Variants in MLLT10 observed in about 807,000 individuals in gnomAD.
MLLT10 encodes protein AF-10.
Under a neutral mutation model 129.1 loss-of-function variants are expected in MLLT10, and 30 were observed. The observed-to-expected ratio is 0.23, with a 90% CI of 0.17 to 0.32. The LOEUF (loss-of-function observed/expected upper bound fraction) is 0.32, where lower values mean the gene tolerates loss of function less well. Ranked by LOEUF, MLLT10 falls within the 10% of genes least tolerant of loss-of-function variation. The probability of loss-of-function intolerance (pLI) is 1.00; values close to 1 mark genes in which losing one functional copy is unlikely to be tolerated. For synonymous variants in MLLT10, 490 were observed against 446.4 expected (o/e 1.10, Z -1.23); for missense variants, 1,119 against 1,268.3 (o/e 0.88, Z 1.79).
chr10:21,558,115 A>G (rs1436815770), intron 3 of MLLT10, among the ~76,000 whole-genome samples: 1 of 151,428 alleles, frequency 6.6e-6, no homozygotes, highest in Non-Finnish European at 1.5e-5. Flanking sequence ...ACGTCCAGCT[A>G]ATTTTTTGTA....
At chr10:21,681,659 TA>T (rs1365123573) in intron 12 of MLLT10, among the ~76,000 whole-genome samples, 3 of 151,974 alleles carry the variant, frequency 2.0e-5, no homozygotes, top group Non-Finnish European at 2.9e-5. Context: ...ATAATGTGTT[TA>T]TTTTTTTAAC....
At chr10:21,626,368 G>T (rs1047844444) in intron 8 of MLLT10, 1 of 653,454 alleles carries the variant, frequency 1.5e-6, no homozygotes, top group Non-Finnish European at 2.7e-6. Context: ...TCGCACGCGT[G>T]CCACCCCCCA....
intron 5 of MLLT10, among the ~76,000 whole-genome samples, chr10:21,598,190 T>C (rs1197936324): frequency 6.6e-6 from 1 of 152,210 alleles, no homozygotes; most frequent in East Asian, 1.9e-4. Context: ...TTATTTGTAT[T>C]AGTATGGACT....
At chr10:21,688,810 C>T (rs2053546217) in intron 13 of MLLT10, among the ~76,000 whole-genome samples, 1 of 152,082 alleles carries the variant, frequency 6.6e-6, no homozygotes, top group African/African-American at 2.4e-5. Flanking sequence ...GCCTAGGCTC[C>T]TAGGTCTGAT....
chr10:21,577,669 C>T (rs1472145976), intron 3 of MLLT10, among the ~76,000 whole-genome samples: 2 of 151,866 alleles, frequency 1.3e-5, no homozygotes, highest in African/African-American at 4.8e-5. Context: ...TGGGGTTTCA[C>T]TATATTGGCT....
intron 8 of MLLT10, among the ~76,000 whole-genome samples, chr10:21,648,376 T>A (rs2048711929): frequency 3.3e-5 from 5 of 152,222 alleles, no homozygotes; most frequent in Admixed American, 3.3e-4. Context: ...TTTTTACATC[T>A]CTATATTGTA....
intron 3 of MLLT10, among the ~76,000 whole-genome samples, chr10:21,554,968 C>T (rs2130968812): frequency 6.6e-6 from 1 of 151,658 alleles, no homozygotes; most frequent in South Asian, 2.1e-4. Context: ...ATGACAGGCG[C>T]ACGCCACCAT....
Position 21,595,220 on chromosome 10 carries a change from C to A in MLLT10, c.296-111C>A, listed in dbSNP as rs531440074. 107 of 686,486 alleles carry A rather than the reference C, an allele frequency of 1.6e-4. 1 individual carries two copies. The highest frequency in any genetic ancestry group is 1.5e-3 in the African/African-American group (85 of 56,588). 42.5% of individuals were successfully genotyped at this position (686,486 alleles called of 1,614,324 possible). A position where few individuals can be genotyped will look rare whatever the true frequency, so the allele number is the denominator to read the frequency against. The stretch of plus-strand genomic sequence containing the variant: ...ACAGCAATGAGAATTTGTTAATGTC[C>A]TTGTTGTGCATTTATTTCAATAGAC... On this transcript the variant is annotated intron_variant, in intron 4 of 22. Transcript: ENST00000307729.
intron 3 of MLLT10, among the ~76,000 whole-genome samples, chr10:21,544,839 A>C (rs1255022773): frequency 6.6e-6 from 1 of 152,156 alleles, no homozygotes; most frequent in Non-Finnish European, 1.5e-5. Flanking sequence ...GTTGGTTTTG[A>C]TGCTGCTAAA....
At chr10:21,606,456 T>C (rs933230333) in intron 5 of MLLT10, among the ~76,000 whole-genome samples, 2 of 152,338 alleles carry the variant, frequency 1.3e-5, no homozygotes, top group South Asian at 2.1e-4. Context: ...GCAAAGTACA[T>C]TGAAAACTTT....
At chr10:21,739,873 G>A (rs762574678) in intron 21 of MLLT10, among the ~76,000 whole-genome samples, 157 bp from the exon 22 acceptor site, 6 of 151,988 alleles carry the variant, frequency 3.9e-5, no homozygotes, top group Admixed American at 6.6e-5. Context: ...TATAGTAGAT[G>A]GTTATTATCT....
chr10:21,620,622 A>T (rs977966931), intron 8 of MLLT10, among the ~76,000 whole-genome samples: 1 of 151,810 alleles, frequency 6.6e-6, no homozygotes. Flanking sequence ...TTTCTTTCTG[A>T]ATTCTTTTAT....
chr10:21,583,893 G>A (rs1468069545), intron 3 of MLLT10, among the ~76,000 whole-genome samples: 22 of 150,286 alleles, frequency 1.5e-4, no homozygotes, highest in African/African-American at 3.4e-4. Context: ...TTTTTGAGAC[G>A]GAGTCTCGCT....
At chr10:21,724,474 G>A (rs553992294) in intron 14 of MLLT10, among the ~76,000 whole-genome samples, 1 of 152,268 alleles carries the variant, frequency 6.6e-6, no homozygotes, top group East Asian at 1.9e-4. Flanking sequence ...TTTTGTTCTT[G>A]TTATTCAGCT....
chr10:21,662,361 G>C (rs916986842), intron 9 of MLLT10, among the ~76,000 whole-genome samples: 17 of 151,918 alleles, frequency 1.1e-4, no homozygotes, highest in African/African-American at 4.1e-4. Context: ...CATGTGTTTT[G>C]TATATGTCCC....
chr10:21,599,658 G>T (rs1336695378), intron 5 of MLLT10, among the ~76,000 whole-genome samples: 1 of 152,088 alleles, frequency 6.6e-6, no homozygotes, highest in Admixed American at 6.6e-5. Context: ...TCGACCTCTT[G>T]GGCTCAAGCA....
chr10:21,681,719 A>C (rs2052755925), intron 12 of MLLT10, among the ~76,000 whole-genome samples: 1 of 151,828 alleles, frequency 6.6e-6, no homozygotes, highest in Non-Finnish European at 1.5e-5. Context: ...GTATATTTGC[A>C]CTAGGTGGTT....
rs890002101 is a variant in MLLT10, at chr10:21,742,996, T to G, written c.*1013T>G. 1.7e-5 allele frequency: 4 copies of G among 229,750 alleles called. No individual in the cohort carries two copies. Among genetic ancestry groups the G allele is most frequent in the Non-Finnish European group, 3.5e-5 (4 of 115,938 alleles). 14.2% of individuals were successfully genotyped at this position (229,750 alleles called of 1,614,324 possible). On this transcript the variant is annotated 3_prime_UTR_variant, in exon 23 of 23. Transcript: ENST00000307729. ...GAGTGGATTTGGTAAGAATAGAGAT[T>G]TGTTTTATTTAAACCACTTCCCATT...
At chr10:21,546,099 A>G (rs1056702064) in intron 3 of MLLT10, among the ~76,000 whole-genome samples, 1 of 152,184 alleles carries the variant, frequency 6.6e-6, no homozygotes, top group Non-Finnish European at 1.5e-5. Flanking sequence ...ATTTTTTTTG[A>G]GACAGTCTTG....
Sources: allele counts gnomAD v4.1 joint callset (sites outside exome capture counted in the v4.1 genomes callset), GRCh38; gene constraint gnomAD v4.1.1; transcripts MANE v1.5; gene names NCBI Gene and HGNC (gene_info 2026-07-23, HGNC 2026-07-21).